IGFL2: variants seen among roughly 807,000 people sequenced by gnomAD.
IGFL2 encodes the protein insulin growth factor-like family member 2.
A neutral mutation model predicts 13.9 loss-of-function variants in IGFL2; 7 were observed. That is an observed-to-expected ratio of 0.51 (90% CI 0.29 to 0.95). IGFL2 has a LOEUF of 0.95. Among genes scored for constraint, IGFL2 ranks in the 40% least tolerant of loss-of-function variants. The pLI is 0.08. For synonymous variants in IGFL2, 55 were observed against 55.8 expected, an observed-to-expected ratio of 0.99 and a Z score of 0.07; for missense variants, 138 against 147.8, an observed-to-expected ratio of 0.93 and a Z score of 0.34.
chr19:46,162,418 C>T (rs1974209189), downstream of IGFL2, among the ~76,000 whole-genome samples: 2 of 152,222 alleles, frequency 1.3e-5, no homozygotes, highest in African/African-American at 4.8e-5. Flanking sequence ...CTCTCCCTTT[C>T]AGGGATGCCA....
Position 46,155,354 on chromosome 19 carries a change from A to G in IGFL2, c.20-5061A>G, listed in dbSNP as rs186893765. Among the ~76,000 whole-genome samples, 157 of 152,276 alleles carry G rather than the reference A, an allele frequency of 1.0e-3. 1 individual carries two copies. Among genetic ancestry groups the G allele is most frequent in the Non-Finnish European group, 1.8e-3 (121 of 68,026 alleles). ...CCCATTTTCTTGTCCGTGACTACCC[A>G]GCATAGAGCTTCAATTACACAGAGT... On this transcript the variant is annotated intron_variant, in intron 1 of 3. Coordinates refer to ENST00000377693, the MANE Select transcript of IGFL2 (RefSeq NM_001135113.2).
chr19:46,131,608 T>C, the IGFL2 span, among the ~76,000 whole-genome samples: 1 of 152,194 alleles, frequency 6.6e-6, no homozygotes, highest in Non-Finnish European at 1.5e-5. Flanking sequence ...AACATGCTCT[T>C]CGAGGCTGAA....
chr19:46,209,306 A>C, the IGFL2 span: 1 of 152,336 alleles, frequency 6.6e-6, no homozygotes, highest in South Asian at 2.1e-4. Flanking sequence ...AAGGTCTTTA[A>C]AGCTCTCTCC....
At chr19:46,162,294 C>T (rs781102204), downstream of IGFL2, among the ~76,000 whole-genome samples, 1 of 152,078 alleles carries the variant, frequency 6.6e-6, no homozygotes, top group African/African-American at 2.4e-5. Flanking sequence ...TGTGTAGAAT[C>T]TTGCAAGAGT....
chr19:46,197,680 C>T, the IGFL2 span, among the ~76,000 whole-genome samples: 19 of 151,844 alleles, frequency 1.3e-4, no homozygotes, highest in South Asian at 4.0e-3. Flanking sequence ...CACAGGTGTG[C>T]ACCACTGTGC....
the IGFL2 span, among the ~76,000 whole-genome samples, chr19:46,215,125 G>C: frequency 6.6e-6 from 1 of 152,122 alleles, no homozygotes; most frequent in Non-Finnish European, 1.5e-5. Context: ...GGAGTCACTT[G>C]ATTAAAAATT....
chr19:46,214,604 A>G, the IGFL2 span: 2 of 151,954 alleles, frequency 1.3e-5, no homozygotes, highest in Admixed American at 1.3e-4. Flanking sequence ...CCCACATTCC[A>G]CCAAGAGGAA....
chr19:46,138,534 G>A (rs150585329), upstream of IGFL2, among the ~76,000 whole-genome samples: 92 of 152,326 alleles, frequency 6.0e-4, no homozygotes, highest in African/African-American at 1.7e-3. Flanking sequence ...ATGTCTGTGT[G>A]CATGTGCATG....
chr19:46,087,999 A>G, the IGFL2 span, among the ~76,000 whole-genome samples: 1 of 152,198 alleles, frequency 6.6e-6, no homozygotes, highest in South Asian at 2.1e-4. Flanking sequence ...TGTTAGTCTC[A>G]GGACCTGTGA....
the IGFL2 span, chr19:46,198,024 TCCC>T: frequency 3.2e-5 from 1 of 31,700 alleles, no homozygotes; most frequent in African/African-American, 1.3e-4. Context: ...CCTCCCTCCC[TCCC>T]TTCCTTCCTT....
chr19:46,202,538 C>T, the IGFL2 span: 2 of 152,102 alleles, frequency 1.3e-5, no homozygotes, highest in African/African-American at 4.8e-5. Flanking sequence ...TACTTGCCAT[C>T]CAGGGGAGGT....
At chr19:46,144,631 A>G (rs1043303006), upstream of IGFL2, among the ~76,000 whole-genome samples, 1 of 152,234 alleles carries the variant, frequency 6.6e-6, no homozygotes, top group Admixed American at 6.5e-5. Flanking sequence ...TTCTGAATAA[A>G]TAAGTGAATA....
At chr19:46,155,679 C>T (rs1973782394) in intron 1 of IGFL2, among the ~76,000 whole-genome samples, 2 of 152,118 alleles carry the variant, frequency 1.3e-5, no homozygotes, top group African/African-American at 2.4e-5. Context: ...TTAATTTTCA[C>T]ATTTTGTGTG....
the IGFL2 span, among the ~76,000 whole-genome samples, chr19:46,096,847 C>A: frequency 1.3e-5 from 2 of 152,176 alleles, no homozygotes; most frequent in African/African-American, 4.8e-5. Context: ...GTTGAACCAG[C>A]CTTGCATCCC....
At chr19:46,181,360 AG>A in the IGFL2 span, 2 of 152,188 alleles carry the variant, frequency 1.3e-5, no homozygotes, top group Non-Finnish European at 2.9e-5. Context: ...AAATTATGGA[AG>A]GGGACTTGAA....
upstream of IGFL2, among the ~76,000 whole-genome samples, chr19:46,144,450 G>A (rs1415880104): frequency 6.6e-6 from 1 of 151,790 alleles, no homozygotes; most frequent in Non-Finnish European, 1.5e-5. Flanking sequence ...GGTTGATATC[G>A]TATCATATCG....
the IGFL2 span, among the ~76,000 whole-genome samples, chr19:46,101,630 G>A: frequency 6.6e-6 from 1 of 152,252 alleles, no homozygotes; most frequent in South Asian, 2.1e-4. Context: ...CTTCCCCAGT[G>A]GGGGTTCAGC....
intron 1 of IGFL2, among the ~76,000 whole-genome samples, chr19:46,155,793 G>A (rs1398471229): frequency 1.3e-5 from 2 of 152,170 alleles, no homozygotes; most frequent in Non-Finnish European, 2.9e-5. Context: ...ATCACTGATT[G>A]TCTGTGTGTG....
At chr19:46,190,732 A>G in the IGFL2 span, among the ~76,000 whole-genome samples, 1 of 152,178 alleles carries the variant, frequency 6.6e-6, no homozygotes, top group African/African-American at 2.4e-5. Flanking sequence ...GCCTTGCATC[A>G]TTCCTTCCCC....
Sources: gnomAD v4.1 joint callset for allele counts (sites outside exome capture counted in the v4.1 genomes callset) on GRCh38, gnomAD v4.1.1 for gene constraint, MANE v1.5 for transcripts, NCBI Gene and HGNC (gene_info 2026-07-23, HGNC 2026-07-21) for gene names.